PSG9: variants seen among roughly 807,000 people sequenced by gnomAD.
PSG9 encodes the protein pregnancy-specific beta-1-glycoprotein 9.
PSG9 carries 49 observed loss-of-function variants against 41.9 expected under a neutral mutation model. The observed-to-expected ratio is 1.17, with a 90% CI of 0.93 to 1.48. The LOEUF (loss-of-function observed/expected upper bound fraction) is 1.48. Among genes scored for constraint, PSG9 ranks in the 40% most tolerant of loss-of-function variants. The pLI is 0.00. For synonymous variants in PSG9, 263 were observed against 196.8 expected (o/e 1.34, Z -2.82); for missense variants, 641 against 520.3 (o/e 1.23, Z -2.26).
intron 3 of PSG9, chr19:43,260,310 T>C (rs1196334955): frequency 1.4e-5 from 2 of 143,724 alleles, no homozygotes; most frequent in Admixed American, 6.9e-5. Context: ...TATGCATAAG[T>C]CTTAGGACAA....
At chr19:43,255,332 A>G (rs1321303389) in intron 5 of PSG9, among the ~76,000 whole-genome samples, 1 of 146,304 alleles carries the variant, frequency 6.8e-6, no homozygotes, top group African/African-American at 2.6e-5. Context: ...TTTCATAATG[A>G]AAACATCCTA....
intron 3 of PSG9, among the ~76,000 whole-genome samples, 174 bp downstream of exon 3, chr19:43,261,686 G>T (rs1394649317): frequency 6.6e-6 from 1 of 152,140 alleles, no homozygotes; most frequent in East Asian, 1.9e-4. Flanking sequence ...TTCTCCCATT[G>T]TTGATCAAGC....
chr19:43,258,607 G>A, intron 4 of PSG9, 151 bp from the exon 5 acceptor site: 2 of 1,394,956 alleles, frequency 1.4e-6, no homozygotes, highest in Non-Finnish European at 1.9e-6. Context: ...GAAGCCTGAG[G>A]TATTCACCTG....
chr19:43,253,345 A>C lies in PSG9; in HGVS notation c.*264T>G, dbSNP rs1292601463. The C allele has an allele frequency of 3.2e-6, 1 of 312,150 alleles. No homozygotes were observed. Among genetic ancestry groups the C allele is most frequent in the South Asian group, 5.2e-5 (1 of 19,268 alleles). 19.3% of individuals were successfully genotyped at this position (312,150 alleles called of 1,614,324 possible). A position where few individuals can be genotyped will look rare whatever the true frequency, so the allele number is the denominator to read the frequency against. ...TATGAATACTCATGAATAGTTTCACAATTCTGGGGCATTCAGATAGACAGC... is the reference window on the plus strand; with the variant it reads ...TATGAATACTCATGAATAGTTTCACCATTCTGGGGCATTCAGATAGACAGC... On this transcript the variant is annotated 3_prime_UTR_variant, in exon 6 of 6. Coordinates refer to ENST00000270077, the MANE Select transcript of PSG9 (RefSeq NM_002784.5).
intron 5 of PSG9, among the ~76,000 whole-genome samples, chr19:43,254,624 A>G (rs1176995324): frequency 6.8e-6 from 1 of 146,400 alleles, no homozygotes; most frequent in African/African-American, 2.6e-5. Flanking sequence ...ACAGTGAATG[A>G]GGGAAATAAT....
intron 5 of PSG9, among the ~76,000 whole-genome samples, chr19:43,256,770 T>C (rs1968457612): frequency 6.8e-6 from 1 of 146,952 alleles, no homozygotes; most frequent in Non-Finnish European, 1.5e-5. Flanking sequence ...GGAAATGTTA[T>C]AGCCACTGTA....
chr19:43,267,838 T>G lies in PSG9; in HGVS notation c.376A>C (p.Lys126Gln). Residue 126 changes from lysine (K) to glutamine (Q), a missense_variant, in exon 2 of 6, where the codon AAG (lysine) becomes CAG (glutamine). Transcript: ENST00000270077. ...DAGTYTLHII[K>Q]RGDETREEIR... ...TCTTCTCTAGTCTCATCACCTCGCT[T>G]TATGATGTGTAAGGTGTAGGTTCCT... The G allele has an allele frequency of 1.2e-6, 2 of 1,613,676 alleles. No individual in the cohort carries two copies. Among genetic ancestry groups the G allele is most frequent in the Non-Finnish European group, 1.7e-6 (2 of 1,179,704 alleles).
chr19:43,256,740 G>A (rs1460711691), intron 5 of PSG9, among the ~76,000 whole-genome samples: 2 of 146,788 alleles, frequency 1.4e-5, no homozygotes, highest in Non-Finnish European at 3.0e-5. Context: ...TGGAGCTCTA[G>A]TGCATTGCTG....
chr19:43,257,168 G>A lies in PSG9; in HGVS notation c.1243+1034C>T, dbSNP rs186534529. On this transcript the variant is annotated intron_variant, in intron 5 of 5. Coordinates refer to ENST00000270077, the MANE Select transcript of PSG9 (RefSeq NM_002784.5). ...GAATAGCCAGTTACATAGAGACAAAGTAGAATGATGGGTGCTAAGGGTTAG... is the reference window on the plus strand; with the variant it reads ...GAATAGCCAGTTACATAGAGACAAAATAGAATGATGGGTGCTAAGGGTTAG... 1.9e-5 allele frequency: 3 copies of A among 160,862 alleles called. 1 individual carries two copies. Among genetic ancestry groups the A allele is most frequent in the East Asian group, 2.3e-4 (1 of 4,306 alleles). The allele number at this position is 160,862 out of a possible 1,614,324, so 10.0% of individuals were successfully genotyped here.
At chr19:43,265,321 A>G (rs1412441182) in intron 2 of PSG9, among the ~76,000 whole-genome samples, 3 of 152,128 alleles carry the variant, frequency 2.0e-5, no homozygotes, top group Admixed American at 2.0e-4. Context: ...AGTTTACAAA[A>G]TTTGTAACTA....
chr19:43,261,300 T>C (rs1259337193), intron 3 of PSG9, among the ~76,000 whole-genome samples: 1 of 152,022 alleles, frequency 6.6e-6, no homozygotes, highest in Admixed American at 6.5e-5. Flanking sequence ...TTTTAGTGAT[T>C]TGGGGGATAA....
chr19:43,267,322 A>T (rs1969017414), intron 2 of PSG9, among the ~76,000 whole-genome samples: 1 of 152,144 alleles, frequency 6.6e-6, no homozygotes, highest in South Asian at 2.1e-4. Flanking sequence ...GGCCTGCCCA[A>T]GAAGCCACAA....
Position 43,267,951 on chromosome 19 carries a change from A to T in PSG9, c.263T>A (p.Ile88Lys), listed in dbSNP as rs764003139. ...YIISYIVDGK[I>K]IIYGPAYSGR... ...ACTGTATGCAGGCCCATATATAATT[A>T]TTTTACCATCAACTATATACGATAT... Residue 88 changes from isoleucine (I) to lysine (K), a missense_variant, in exon 2 of 6, where the codon ATA (isoleucine) becomes AAA (lysine). Physicochemically the swap from Ile to Lys is moderately radical, Grantham distance 102. Transcript: ENST00000270077. 1.2e-6 allele frequency: 2 copies of T among 1,613,474 alleles called. No homozygotes were observed. Among genetic ancestry groups the T allele is most frequent in the Non-Finnish European group, 1.7e-6 (2 of 1,179,686 alleles).
Position 43,253,997 on chromosome 19 carries a change from G to T in PSG9, c.1244-351C>A, listed in dbSNP as rs556200049. Among the ~76,000 whole-genome samples the T allele has an allele frequency of 4.8e-5, 7 of 145,644 alleles. No homozygotes were observed. In the South Asian group the frequency reaches 1.3e-3, roughly 27 times the overall value. Reference sequence around the variant, plus strand: ...CTAATCCCATCTTGGATGCATCTCAGTTGGTAAAAACTAACATACCAGACT... The same window carrying T: ...CTAATCCCATCTTGGATGCATCTCATTTGGTAAAAACTAACATACCAGACT... On this transcript the variant is annotated intron_variant, in intron 5 of 5. Coordinates refer to ENST00000270077, the MANE Select transcript of PSG9 (RefSeq NM_002784.5).
intron 2 of PSG9, among the ~76,000 whole-genome samples, chr19:43,264,210 A>G (rs1296503302): frequency 6.6e-6 from 1 of 152,140 alleles, no homozygotes. Flanking sequence ...AACCACCAGT[A>G]TTCCCATTAT....
chr19:43,260,104 G>A (rs1392141779), intron 3 of PSG9: 1 of 146,250 alleles, frequency 6.8e-6, no homozygotes, highest in Non-Finnish European at 1.5e-5. Flanking sequence ...GATCCCCTGG[G>A]TTCGACTACT....
At chr19:43,261,217 G>T (rs1968695085) in intron 3 of PSG9, among the ~76,000 whole-genome samples, 2 of 152,090 alleles carry the variant, frequency 1.3e-5, no homozygotes, top group Admixed American at 1.3e-4. Context: ...CAGGGACTAT[G>T]ATCCTCTTGA....
At chr19:43,265,867 T>A (rs1339543972) in intron 2 of PSG9, among the ~76,000 whole-genome samples, 1 of 152,028 alleles carries the variant, frequency 6.6e-6, no homozygotes, top group Admixed American at 6.5e-5. Context: ...CTTAGTGACC[T>A]GGGGACATTG....
rs1450157458 is a variant in PSG9 at position 43,259,421 on chromosome 19, C to T, written c.710-286G>A. 17 of 466,446 alleles carry T rather than the reference C, an allele frequency of 3.6e-5. 1 individual carries two copies. The highest frequency in any genetic ancestry group is 1.1e-4 in the Admixed American group (3 of 26,336). The allele number at this position is 466,446 out of a possible 1,614,324, so 28.9% of individuals were successfully genotyped here. A position where few individuals can be genotyped will look rare whatever the true frequency, so the allele number is the denominator to read the frequency against. ...GTGGGAGTCACAGCCCCTGGTACCC[C>T]TCCCAGTCCCTCCCTAATCAGTTGA... On this transcript the variant is annotated intron_variant, in intron 3 of 5. Coordinates refer to ENST00000270077, the MANE Select transcript of PSG9 (RefSeq NM_002784.5).
Sources: gnomAD v4.1 joint callset for allele counts (sites outside exome capture counted in the v4.1 genomes callset) on GRCh38, gnomAD v4.1.1 for gene constraint, MANE v1.5 for transcripts, NCBI Gene and HGNC (gene_info 2026-07-23, HGNC 2026-07-21) for gene names.